B3GALT1: variants seen among roughly 807,000 people sequenced by gnomAD.
B3GALT1 encodes UDP-Gal:betaGlcNAc beta 1,3-galactosyltransferase, polypeptide 1.
B3GALT1 carries 10 observed loss-of-function variants against 23.2 expected under a neutral mutation model. The observed-to-expected ratio is 0.43, with a 90% confidence interval of 0.27 to 0.73. The LOEUF (loss-of-function observed/expected upper bound fraction) is 0.73. Among genes scored for constraint, B3GALT1 ranks in the 30% least tolerant of loss-of-function variants. The pLI is 0.21. For synonymous variants in B3GALT1, 156 were observed against 141.5 expected (o/e 1.10, Z -0.73); for missense variants, 299 against 405.4 (o/e 0.74, Z 2.25).
intron 2 of B3GALT1, among the ~76,000 whole-genome samples, chr2:167,580,638 G>A (rs974194319): frequency 6.6e-6 from 1 of 152,064 alleles, no homozygotes; most frequent in Non-Finnish European, 1.5e-5. Context: ...ATATCAATAA[G>A]CTTTTGGAAA....
chr2:167,575,655 C>T (rs1684368734), intron 2 of B3GALT1, among the ~76,000 whole-genome samples: 1 of 151,772 alleles, frequency 6.6e-6, no homozygotes. Context: ...TGTGAAATGG[C>T]TTTCTGAAAT....
chr2:167,695,831 G>A (rs1293683184), intron 3 of B3GALT1, among the ~76,000 whole-genome samples: 1 of 152,120 alleles, frequency 6.6e-6, no homozygotes, highest in Non-Finnish European at 1.5e-5. Context: ...TTCTCAACCA[G>A]CAGCTTTCAT....
chr2:167,509,949 T>G (rs900520483), intron 2 of B3GALT1, among the ~76,000 whole-genome samples: 1 of 152,058 alleles, frequency 6.6e-6, no homozygotes, highest in Non-Finnish European at 1.5e-5. Context: ...CAAAAGAAAG[T>G]GCCAGAGAGA....
chr2:167,605,494 C>T (rs1354880912), intron 2 of B3GALT1, among the ~76,000 whole-genome samples: 2 of 152,086 alleles, frequency 1.3e-5, no homozygotes, highest in Non-Finnish European at 2.9e-5. Context: ...CATGTCAACC[C>T]GAGTGCCTTG....
intron 2 of B3GALT1, among the ~76,000 whole-genome samples, chr2:167,585,242 T>C (rs534283832): frequency 2.0e-5 from 3 of 152,328 alleles, no homozygotes; most frequent in South Asian, 4.1e-4. Context: ...CTCTTGGTAG[T>C]GTCATGGTTC....
At chr2:167,525,121 A>G (rs1452460024) in intron 2 of B3GALT1, among the ~76,000 whole-genome samples, 1 of 152,078 alleles carries the variant, frequency 6.6e-6, no homozygotes, top group Non-Finnish European at 1.5e-5. Flanking sequence ...ATGTTGTTGT[A>G]TTGCCTTTCC....
intron 4 of B3GALT1, among the ~76,000 whole-genome samples, chr2:167,867,352 C>T (rs1037012382): frequency 6.6e-6 from 1 of 152,166 alleles, no homozygotes; most frequent in African/African-American, 2.4e-5. Flanking sequence ...ACAGAAATTT[C>T]TCCCGGGAGG....
At position 167,564,189 on chromosome 2, in the gene B3GALT1, G is replaced by T. The variant is rs1684098435; in HGVS notation, c.-410+73912G>T. On this transcript the variant is annotated intron_variant, in intron 2 of 4. Transcript: ENST00000392690. Reference sequence around the variant, plus strand: ...GAGGGTCTCCTCACTTCTCAGACGGGGCGGCCGGGCAGAGACGCTCCTCAC... The same window carrying T: ...GAGGGTCTCCTCACTTCTCAGACGGTGCGGCCGGGCAGAGACGCTCCTCAC... Among the ~76,000 whole-genome samples the T allele has an allele frequency of 3.3e-5, 5 of 151,398 alleles. No homozygotes were observed. The South Asian group carries it at 1.0e-3, about 32-fold the overall frequency.
At chr2:167,441,862 T>G (rs935057131) in intron 1 of B3GALT1, among the ~76,000 whole-genome samples, 11 of 151,414 alleles carry the variant, frequency 7.3e-5, no homozygotes, top group African/African-American at 2.2e-4. Context: ...ATCCCATGTT[T>G]TTTTTTTTTT....
intron 3 of B3GALT1, among the ~76,000 whole-genome samples, chr2:167,727,757 A>G (rs973624014): frequency 6.6e-6 from 1 of 152,080 alleles, no homozygotes; most frequent in Non-Finnish European, 1.5e-5. Context: ...TCTTTCTTAC[A>G]TTCGGGGTTG....
chr2:167,719,668 T>C lies in B3GALT1; in HGVS notation c.-352+72702T>C, dbSNP rs191374157. On this transcript the variant is annotated intron_variant, in intron 3 of 4. Coordinates refer to ENST00000392690, the MANE Select transcript of B3GALT1 (RefSeq NM_020981.4). ...AGTGCAGGGGACTGGGCGTGGTGGC[T>C]CACGCCTGTAATCCAGCACTTTGGG... 2.1e-4 allele frequency among the ~76,000 whole-genome samples: 32 copies of C among 152,276 alleles called. No homozygotes were observed. In the East Asian group the frequency reaches 3.1e-3, roughly 15 times the overall value.
At chr2:167,685,560 G>A (rs571441805) in intron 3 of B3GALT1, among the ~76,000 whole-genome samples, 1 of 152,160 alleles carries the variant, frequency 6.6e-6, no homozygotes, top group Non-Finnish European at 1.5e-5. Context: ...CCAAGCAGAT[G>A]CAGAGGCCCT....
At chr2:167,810,086 G>A (rs906906684) in intron 3 of B3GALT1, among the ~76,000 whole-genome samples, 8 of 144,842 alleles carry the variant, frequency 5.5e-5, no homozygotes, top group Admixed American at 1.3e-4. Context: ...CCTGAGCCAC[G>A]CGTGGGATAT....
At chr2:167,418,187 A>C (rs1165488452) in intron 1 of B3GALT1, among the ~76,000 whole-genome samples, 3 of 152,226 alleles carry the variant, frequency 2.0e-5, no homozygotes, top group Admixed American at 1.3e-4. Context: ...ACTGACTCTC[A>C]AAGTTACAGA....
At chr2:167,406,309 C>A (rs1413540897) in intron 1 of B3GALT1, among the ~76,000 whole-genome samples, 2 of 151,982 alleles carry the variant, frequency 1.3e-5, no homozygotes, top group African/African-American at 2.4e-5. Context: ...AGTATAGAAG[C>A]AAGCTTCATT....
intron 2 of B3GALT1, among the ~76,000 whole-genome samples, chr2:167,562,643 A>G (rs902851347): frequency 2.9e-5 from 4 of 140,200 alleles, no homozygotes; most frequent in African/African-American, 1.1e-4. Flanking sequence ...AAAAATCACA[A>G]GCATTCTTTT....
chr2:167,751,336 G>C (rs181196193), intron 3 of B3GALT1, among the ~76,000 whole-genome samples: 5 of 152,152 alleles, frequency 3.3e-5, no homozygotes, highest in African/African-American at 1.2e-4. Flanking sequence ...AAGACCCTAG[G>C]CAACAAGTAC....
chr2:167,478,614 C>T (rs925389713), intron 1 of B3GALT1, among the ~76,000 whole-genome samples: 3 of 151,234 alleles, frequency 2.0e-5, no homozygotes, highest in Admixed American at 6.6e-5. Flanking sequence ...ATGTGCACAA[C>T]GTGCAGGTTT....
intron 3 of B3GALT1, among the ~76,000 whole-genome samples, chr2:167,693,489 G>A (rs1304439514): frequency 6.6e-6 from 1 of 152,078 alleles, no homozygotes; most frequent in African/African-American, 2.4e-5. Context: ...TCATGAGAGT[G>A]GCAAACACTG....
Sources: allele counts gnomAD v4.1 joint callset (sites outside exome capture counted in the v4.1 genomes callset), GRCh38; gene constraint gnomAD v4.1.1; transcripts MANE v1.5; gene names NCBI Gene and HGNC (gene_info 2026-07-23, HGNC 2026-07-21).